The following SETX variants were observed in gnomAD, a reference collection of about 807,000 sequenced individuals.
SETX encodes the protein helicase senataxin.
SETX carries 90 observed loss-of-function variants against 227.2 expected under a neutral mutation model. That is an observed-to-expected ratio of 0.40 (90% CI 0.33 to 0.47). The LOEUF (loss-of-function observed/expected upper bound fraction) is 0.47, where lower values mean the gene tolerates loss of function less well. Ranked by LOEUF, SETX falls within the 20% of genes least tolerant of loss-of-function variation. SETX has a pLI of 0.91. For missense variants in SETX, 3,052 were observed against 3,181.5 expected (o/e 0.96, Z 0.98); for synonymous variants, 1,210 against 1,113.2 (o/e 1.09, Z -1.73).
chr9:132,286,531 C>CT (rs777443928), intron 17 of SETX, 37 bp from the exon 18 acceptor site: 4 of 1,478,848 alleles, frequency 2.7e-6, no homozygotes, highest in Non-Finnish European at 2.8e-6. Context: ...TAAAACTAAA[C>CT]TAAGCATTTT....
chr9:132,345,184 C>T (rs1030283577), intron 4 of SETX, among the ~76,000 whole-genome samples: 5 of 152,194 alleles, frequency 3.3e-5, no homozygotes, highest in African/African-American at 9.7e-5. Flanking sequence ...CTACAATGGA[C>T]GGCACAGCCC....
chr9:132,327,524 T>A lies in SETX; in HGVS notation c.4074A>T (p.Ser1358=). Residue 1358 remains serine, a synonymous_variant, in exon 10 of 26, where the codon TCA becomes TCT. Coordinates refer to ENST00000224140, the MANE Select transcript of SETX (RefSeq NM_015046.7). ...LQMQRQIRPK[S]QKNRRRLSDC... ...CAGAAAGTCTTCGTCTATTTTTTTG[T>A]GATTTGGGTCTGATCTGCCTTTGCA... The A allele has an allele frequency of 6.2e-7, 1 of 1,614,108 alleles. No individual in the cohort carries two copies. Among genetic ancestry groups the A allele is most frequent in the Non-Finnish European group, 8.5e-7 (1 of 1,180,036 alleles).
chr9:132,334,200 C>T (rs907590230), intron 7 of SETX, among the ~76,000 whole-genome samples: 1 of 152,200 alleles, frequency 6.6e-6, no homozygotes, highest in African/African-American at 2.4e-5. Flanking sequence ...AATCCCAGCA[C>T]TTTGGGAGGC....
intron 17 of SETX, 101 bp from the exon 18 acceptor site, chr9:132,286,595 A>C: frequency 1.2e-6 from 1 of 829,454 alleles, no homozygotes; most frequent in South Asian, 1.4e-5. Context: ...TATTTCACCA[A>C]TGAAAAATGT....
chr9:132,278,054 A>G lies in SETX; in HGVS notation c.6842+16T>C. On this transcript the variant is annotated intron_variant, in intron 21 of 25. Coordinates refer to ENST00000224140, the MANE Select transcript of SETX (RefSeq NM_015046.7). ...ACTACAACAAAATAAGGTCACAAAC[A>G]ATAAGGGGAACTCACCTATTTGTTT... The G allele has an allele frequency of 6.2e-7, 1 of 1,609,536 alleles. No individual in the cohort carries two copies. The highest frequency in any genetic ancestry group is 1.3e-5 in the African/African-American group (1 of 74,956).
At chr9:132,330,539 C>G (rs1173416345) in intron 9 of SETX, 40 bp from the exon 10 acceptor site, 1 of 1,555,404 alleles carries the variant, frequency 6.4e-7, no homozygotes, top group Non-Finnish European at 8.8e-7. Flanking sequence ...TAAATAAGCA[C>G]CACTTATGAC....
chr9:132,340,868 C>T (rs978307742), intron 5 of SETX, among the ~76,000 whole-genome samples: 1 of 152,194 alleles, frequency 6.6e-6, no homozygotes, highest in African/African-American at 2.4e-5. Flanking sequence ...AGAACCTTAA[C>T]AGTTCCTTTT....
intron 11 of SETX, among the ~76,000 whole-genome samples, chr9:132,302,681 C>CAAAAAAAAAAAAAAAAAAAAAA (rs57673567): frequency 1.3e-5 from 1 of 78,478 alleles, no homozygotes; most frequent in Non-Finnish European, 2.9e-5. Context: ...AAAAAAAAAG[C>CAAAAAAAAAAAAAAAAAAAAAA]AAAAAAAAAA....
At position 132,330,220 on chromosome 9, in the gene SETX, G is replaced by A. The variant is rs1183885470; in HGVS notation, c.1378C>T (p.Leu460=). ...AGTTCAATCACTGATACCAAAATTAGAAGAAAAAATTCAGTGACTTTGTCA... is the reference window on the plus strand; with the variant it reads ...AGTTCAATCACTGATACCAAAATTAAAAGAAAAAATTCAGTGACTTTGTCA... The part of the protein sequence containing the change: ...VCDKVTEFFL[L]ILVSVIELHR... The change falls in exon 10 of 26, where the codon CTA becomes TTA. Residue 460 remains leucine (L), a synonymous_variant. Coordinates refer to ENST00000224140, the MANE Select transcript of SETX (RefSeq NM_015046.7). The A allele has an allele frequency of 8.3e-6, 13 of 1,568,328 alleles. No individual in the cohort carries two copies. The highest frequency in any genetic ancestry group is 1.0e-5 in the Non-Finnish European group (12 of 1,157,930).
chr9:132,303,349 A>C (rs1341280616), intron 11 of SETX, among the ~76,000 whole-genome samples: 1 of 151,786 alleles, frequency 6.6e-6, no homozygotes, highest in Non-Finnish European at 1.5e-5. Context: ...CAAAAAAAAA[A>C]AAAAAAACCC....
At chr9:132,283,450 C>T in intron 18 of SETX, 37 bp from the exon 19 acceptor site, 1 of 1,613,022 alleles carries the variant, frequency 6.2e-7, no homozygotes, top group Non-Finnish European at 8.5e-7. Context: ...TTCAGCTGTA[C>T]ATCAATCCTT....
rs200123129 is a variant in SETX at position 132,326,921 on chromosome 9, T to C, written c.4677A>G (p.Lys1559=). 93 of 1,614,056 alleles carry C rather than the reference T, an allele frequency of 5.8e-5. 1 individual carries two copies. Among genetic ancestry groups the C allele is most frequent in the Middle Eastern group, 1.6e-4 (1 of 6,084 alleles). The change falls in exon 10 of 26, where the codon AAA becomes AAG. Residue 1559 remains lysine (K), a synonymous_variant. Transcript: ENST00000224140. ...GTTTTGGGCAGTATTCACCCTGGTT[T>C]TTTGTGGTTTCAAGACAATCTTTGT... ...CKYKDCLETT[K]NQGEYCPKHS... is the part of the protein sequence containing the mutation.
intron 20 of SETX, among the ~76,000 whole-genome samples, chr9:132,278,567 G>T (rs776794940): frequency 9.7e-5 from 14 of 144,972 alleles, no homozygotes; most frequent in Non-Finnish European, 2.1e-4. Context: ...CGATTCTCAT[G>T]TCTCTGGCCT....
chr9:132,347,311 T>C (rs1374000940), intron 3 of SETX, among the ~76,000 whole-genome samples: 4 of 151,938 alleles, frequency 2.6e-5, no homozygotes, highest in Non-Finnish European at 5.9e-5. Context: ...ATGCTATGTT[T>C]AAACACTTTT....
rs187766399 is a variant in SETX, at chr9:132,313,984, T to G, written c.5275-2128A>C. ...TTCAGTCCTATTGCTCTGGCTGGAG[T>G]GCAATGGCACCATTTCCGCTCACTG... On this transcript the variant is annotated intron_variant, in intron 10 of 25. Transcript: ENST00000224140. Among the ~76,000 whole-genome samples, 247 of 151,968 alleles carry G rather than the reference T, an allele frequency of 1.6e-3. 1 individual carries two copies. Among genetic ancestry groups the G allele is most frequent in the African/African-American group, 5.5e-3 (229 of 41,490 alleles).
chr9:132,299,131 C>T (rs1470675196), intron 12 of SETX, among the ~76,000 whole-genome samples: 1 of 152,132 alleles, frequency 6.6e-6, no homozygotes, highest in Non-Finnish European at 1.5e-5. Flanking sequence ...TATCTGCTGA[C>T]AAATTAGAAG....
At chr9:132,267,518 T>G (rs1376295117) in intron 25 of SETX, among the ~76,000 whole-genome samples, 1 of 152,222 alleles carries the variant, frequency 6.6e-6, no homozygotes, top group Non-Finnish European at 1.5e-5. Context: ...TAAGGGGAAC[T>G]AGGCTAAAAA....
intron 22 of SETX, among the ~76,000 whole-genome samples, chr9:132,276,845 G>A (rs773255730): frequency 6.6e-6 from 1 of 152,208 alleles, no homozygotes; most frequent in Non-Finnish European, 1.5e-5. Flanking sequence ...TCACTGCTGT[G>A]AGCTCAACAA....
Position 132,286,505 on chromosome 9 carries a change from A to C in SETX, c.6325-11T>G, listed in dbSNP as rs766224434. 2.5e-6 allele frequency: 4 copies of C among 1,603,896 alleles called. No homozygotes were observed. The highest frequency in any genetic ancestry group is 3.4e-6 in the Non-Finnish European group (4 of 1,171,042). ...ATCTAATTCTTGCCTCTGGAAAAAA[A>C]TTCAAATGTCACAATTAAAACTAAA... On this transcript the variant is annotated splice_polypyrimidine_tract_variant and intron_variant, in intron 17 of 25. Coordinates refer to ENST00000224140, the MANE Select transcript of SETX (RefSeq NM_015046.7).
Sources: allele counts gnomAD v4.1 joint callset (sites outside exome capture counted in the v4.1 genomes callset), GRCh38; gene constraint gnomAD v4.1.1; transcripts MANE v1.5; gene names NCBI Gene and HGNC (gene_info 2026-07-23, HGNC 2026-07-21).